FAT3: variants seen among roughly 807,000 people sequenced by gnomAD.
The protein encoded by FAT3 is FAT atypical cadherin 3, also known as protocadherin Fat 3.
FAT3 carries 95 observed loss-of-function variants against 310.2 expected under a neutral mutation model. That is an observed-to-expected ratio of 0.31 (90% confidence interval 0.26 to 0.36). The LOEUF (loss-of-function observed/expected upper bound fraction) is 0.36, where lower values mean the gene tolerates loss of function less well. Ranked by LOEUF, FAT3 falls within the 10% of genes least tolerant of loss-of-function variation. The probability of loss-of-function intolerance (pLI) is 1.00; values close to 1 mark genes in which losing one functional copy is unlikely to be tolerated. For synonymous variants in FAT3, 2,314 were observed against 2,192.9 expected, an observed-to-expected ratio of 1.06 and a Z score of -1.54; for missense variants, 5,408 against 5,715.6, an observed-to-expected ratio of 0.95 and a Z score of 1.74.
At chr11:92,527,212 G>A (rs569662740) in intron 3 of FAT3, among the ~76,000 whole-genome samples, 1 of 152,232 alleles carries the variant, frequency 6.6e-6, no homozygotes, top group South Asian at 2.1e-4. Context: ...AGAACACAGT[G>A]GGGGAAACAG....
chr11:92,758,123 G>A (rs561619363), intron 4 of FAT3, among the ~76,000 whole-genome samples: 81 of 152,214 alleles, frequency 5.3e-4, no homozygotes, highest in African/African-American at 1.9e-3. Flanking sequence ...AAGAGTTGTA[G>A]GTAAGTGAAT....
At chr11:92,632,642 A>C (rs746836164) in intron 3 of FAT3, among the ~76,000 whole-genome samples, 2 of 152,210 alleles carry the variant, frequency 1.3e-5, no homozygotes, top group Non-Finnish European at 2.9e-5. Context: ...AAGAAGGTAA[A>C]CAAGGCAAGG....
Position 92,524,716 on chromosome 11 carries a change from T to C in FAT3, c.3375T>C (p.Val1125=), listed in dbSNP as rs961976571. The C allele has an allele frequency of 6.2e-7, 1 of 1,613,864 alleles. No individual in the cohort carries two copies. The highest frequency in any genetic ancestry group is 8.5e-7 in the Non-Finnish European group (1 of 1,179,842). ...CAGTGTATGCCACAGACAGGGGCGT[T>C]GTTCCACTCTACTCCACCATTGAGG... is the stretch of plus-strand genomic sequence containing the variant. ...WLTVYATDRG[V]VPLYSTIEVY... Residue 1125 remains valine (V), a synonymous_variant, in exon 3 of 28, where the codon GTT becomes GTC. Transcript: ENST00000525166.
chr11:92,813,887 C>T (rs1947749500), intron 13 of FAT3, among the ~76,000 whole-genome samples: 1 of 152,166 alleles, frequency 6.6e-6, no homozygotes, highest in Non-Finnish European at 1.5e-5. Flanking sequence ...AAATTTGTGT[C>T]CCTCTAAAAT....
At chr11:92,570,572 T>A (rs1398321055) in intron 3 of FAT3, among the ~76,000 whole-genome samples, 1 of 152,192 alleles carries the variant, frequency 6.6e-6, no homozygotes, top group Non-Finnish European at 1.5e-5. Flanking sequence ...ATACTGATTT[T>A]ACCCATCAGA....
intron 2 of FAT3, among the ~76,000 whole-genome samples, chr11:92,497,248 C>T (rs1450904417): frequency 6.6e-6 from 1 of 151,986 alleles, no homozygotes; most frequent in African/African-American, 2.4e-5. Context: ...CTTTCTGCTG[C>T]CTGGCACTCA....
chr11:92,353,093 G>A lies in FAT3; in HGVS notation c.981G>A (p.Lys327=). The A allele has an allele frequency of 1.2e-6, 2 of 1,613,672 alleles. No homozygotes were observed. The highest frequency in any genetic ancestry group is 8.5e-7 in the Non-Finnish European group (1 of 1,179,852). The change falls in exon 2 of 28, where the codon AAG becomes AAA. Residue 327 remains lysine, a synonymous_variant. Coordinates refer to ENST00000525166, the MANE Select transcript of FAT3 (RefSeq NM_001367949.2). ...EGKWLNEYKI[K]ERKQIDWESF... is the part of the protein sequence containing the mutation. ...AGTGGTTGAATGAGTACAAGATTAA[G>A]GAGAGGAAGCAGATTGACTGGGAGA...
chr11:92,804,663 G>A (rs559758065), intron 10 of FAT3, among the ~76,000 whole-genome samples: 1 of 152,280 alleles, frequency 6.6e-6, no homozygotes, highest in East Asian at 1.9e-4. Context: ...CCAAACTCCA[G>A]TTCTTATGAG....
At chr11:92,226,904 C>G (rs1863936182) in intron 1 of FAT3, among the ~76,000 whole-genome samples, 1 of 152,184 alleles carries the variant, frequency 6.6e-6, no homozygotes, top group African/African-American at 2.4e-5. Context: ...CTCCCCTCCT[C>G]CCGCTCCTCT....
chr11:92,302,003 C>CT (rs1308946676), intron 1 of FAT3, among the ~76,000 whole-genome samples: 1 of 152,034 alleles, frequency 6.6e-6, no homozygotes, highest in Non-Finnish European at 1.5e-5. Context: ...TGAAACTCTG[C>CT]TTCAGGGATG....
intron 3 of FAT3, among the ~76,000 whole-genome samples, chr11:92,632,383 T>C (rs974546392): frequency 6.6e-6 from 1 of 152,146 alleles, no homozygotes; most frequent in Admixed American, 6.5e-5. Context: ...GATGCTTTCA[T>C]GAAAGGCACT....
chr11:92,821,994 G>A (rs534287960), intron 13 of FAT3, among the ~76,000 whole-genome samples: 1 of 152,290 alleles, frequency 6.6e-6, no homozygotes, highest in South Asian at 2.1e-4. Context: ...GATTTAGAAA[G>A]TCTGGGAGAG....
At chr11:92,349,400 G>T (rs557568829) in intron 1 of FAT3, among the ~76,000 whole-genome samples, 1 of 152,274 alleles carries the variant, frequency 6.6e-6, no homozygotes, top group African/African-American at 2.4e-5. Flanking sequence ...TACTATTAAA[G>T]CTTCTGCTAG....
chr11:92,588,362 TACATCCACTAAATCCAGTTACAC>T (rs1939257361), intron 3 of FAT3, among the ~76,000 whole-genome samples: 1 of 152,032 alleles, frequency 6.6e-6, no homozygotes, highest in South Asian at 2.1e-4. Context: ...ATGAGTGTGG[TACATCCACTAAATCCAGTTACAC>T]ATGTAACAGA....
rs946681323 is a variant in FAT3 at position 92,727,002 on chromosome 11, T to G, written c.3669+29557T>G. Reference sequence around the variant, plus strand: ...ATGAACATTTACTAAAATACTGCTCTTATGACAAAATGAAAAAATTGTCAT... The same window carrying G: ...ATGAACATTTACTAAAATACTGCTCGTATGACAAAATGAAAAAATTGTCAT... On this transcript the variant is annotated intron_variant, in intron 4 of 27. Coordinates refer to ENST00000525166, the MANE Select transcript of FAT3 (RefSeq NM_001367949.2). Among the ~76,000 whole-genome samples, 5 of 152,164 alleles carry G rather than the reference T, an allele frequency of 3.3e-5. No homozygotes were observed. In the South Asian group the frequency reaches 1.0e-3, roughly 32 times the overall value.
At chr11:92,494,031 A>AT (rs5793604) in intron 2 of FAT3, among the ~76,000 whole-genome samples, 313 of 144,350 alleles carry the variant, frequency 2.2e-3, no homozygotes, top group East Asian at 9.7e-3. Context: ...ATCTGATTCT[A>AT]TTTTTTTTTT....
At chr11:92,298,655 G>T (rs189464034) in intron 1 of FAT3, among the ~76,000 whole-genome samples, 1 of 152,190 alleles carries the variant, frequency 6.6e-6, no homozygotes, top group Admixed American at 6.5e-5. Flanking sequence ...TCTTCTTCAT[G>T]ATAACCCATC....
At chr11:92,645,048 A>G (rs1270958212) in intron 3 of FAT3, among the ~76,000 whole-genome samples, 2 of 151,532 alleles carry the variant, frequency 1.3e-5, no homozygotes, top group African/African-American at 2.4e-5. Context: ...TGTTTTTTTG[A>G]TAATCTTCCT....
intron 1 of FAT3, among the ~76,000 whole-genome samples, chr11:92,342,457 A>G (rs988052087): frequency 3.3e-5 from 5 of 152,184 alleles, no homozygotes; most frequent in Admixed American, 3.3e-4. Context: ...ACTTTTAAAG[A>G]GGAATGGCAA....
Sources: gnomAD v4.1 joint callset for allele counts (sites outside exome capture counted in the v4.1 genomes callset) on GRCh38, gnomAD v4.1.1 for gene constraint, MANE v1.5 for transcripts, NCBI Gene and HGNC (gene_info 2026-07-23, HGNC 2026-07-21) for gene names.